ACKR2: variants seen among roughly 807,000 people sequenced by gnomAD.
ACKR2 encodes C-C chemokine receptor D6.
For missense variants in ACKR2, 457 were observed against 477.3 expected (o/e 0.96, Z 0.40); for synonymous variants, 207 against 192.2 (o/e 1.08, Z -0.64).
chr3:42,834,959 C>T (rs1436859570), intron 2 of ACKR2, among the ~76,000 whole-genome samples: 3 of 152,118 alleles, frequency 2.0e-5, no homozygotes, highest in East Asian at 3.9e-4. Context: ...GATCTCGGCT[C>T]ACTGCAGCCT....
chr3:42,824,079 A>C (rs2125605811), intron 2 of ACKR2, among the ~76,000 whole-genome samples: 2 of 152,338 alleles, frequency 1.3e-5, no homozygotes, highest in Middle Eastern at 3.4e-3. Flanking sequence ...AAATGTGTTT[A>C]AACTTGGGTC....
chr3:42,817,366 C>T (rs1296358534), intron 1 of ACKR2, among the ~76,000 whole-genome samples: 2 of 152,160 alleles, frequency 1.3e-5, no homozygotes, highest in Admixed American at 6.5e-5. Flanking sequence ...CTGATATCCC[C>T]ACTAACCGTT....
intron 2 of ACKR2, among the ~76,000 whole-genome samples, chr3:42,823,779 C>T (rs1700834508): frequency 6.6e-6 from 1 of 152,188 alleles, no homozygotes; most frequent in Non-Finnish European, 1.5e-5. Flanking sequence ...TTGTGCTCTG[C>T]TTTTCTCCCT....
At chr3:42,826,381 C>T (rs1700865134) in intron 2 of ACKR2, among the ~76,000 whole-genome samples, 1 of 152,022 alleles carries the variant, frequency 6.6e-6, no homozygotes, top group Non-Finnish European at 1.5e-5. Context: ...TCATCTGGTT[C>T]TGGGCTTTTC....
Position 42,865,100 on chromosome 3 carries a change from G to C in ACKR2, c.598G>C (p.Gly200Arg), listed in dbSNP as rs140255308. ...TGTGTGGAACTGCCACGCAGATTTC[G>C]GCGGGCATGGGACCATTTGGAAGCT... is the stretch of plus-strand genomic sequence containing the variant. ...KGVWNCHADF[G>R]GHGTIWKLFL... The change falls in exon 3 of 3, where the codon GGC (glycine) becomes CGC (arginine). Residue 200 changes from glycine to arginine, a missense_variant. Physicochemically the swap from Gly to Arg is moderately radical, Grantham distance 125. Coordinates refer to ENST00000422265, the MANE Select transcript of ACKR2 (RefSeq NM_001296.5). 5 of 1,613,858 alleles carry C rather than the reference G, an allele frequency of 3.1e-6. No homozygotes were observed. The highest frequency in any genetic ancestry group is 4.2e-6 in the Non-Finnish European group (5 of 1,179,998).
chr3:42,856,762 A>AGT (rs1481493282), intron 2 of ACKR2, among the ~76,000 whole-genome samples: 1 of 151,542 alleles, frequency 6.6e-6, no homozygotes, highest in Non-Finnish European at 1.5e-5. Context: ...GCCTCTCTTC[A>AGT]GTGGCTCTTC....
chr3:42,823,317 G>T (rs1330841951), intron 2 of ACKR2, among the ~76,000 whole-genome samples: 1 of 152,114 alleles, frequency 6.6e-6, no homozygotes, highest in Admixed American at 6.5e-5. Flanking sequence ...ACTGAACTTG[G>T]TCAGGAGTCA....
intron 1 of ACKR2, among the ~76,000 whole-genome samples, chr3:42,813,807 G>C (rs1700719387): frequency 6.6e-6 from 1 of 152,178 alleles, no homozygotes; most frequent in African/African-American, 2.4e-5. Flanking sequence ...TATTTATTAG[G>C]AAGTTGTATT....
chr3:42,856,190 A>C (rs1400314694), intron 2 of ACKR2: 9 of 534,814 alleles, frequency 1.7e-5, no homozygotes, highest in Non-Finnish European at 2.6e-5. Flanking sequence ...TAAAGTTCCT[A>C]AGGTTGATCA....
chr3:42,811,925 C>T (rs1277677981), intron 1 of ACKR2, among the ~76,000 whole-genome samples: 3 of 152,204 alleles, frequency 2.0e-5, no homozygotes, highest in Non-Finnish European at 2.9e-5. Flanking sequence ...CCTTTGCTCA[C>T]ATGTTTTCCT....
At chr3:42,833,356 A>AT (rs1700951663) in intron 2 of ACKR2, among the ~76,000 whole-genome samples, 1 of 152,150 alleles carries the variant, frequency 6.6e-6, no homozygotes, top group South Asian at 2.1e-4. Flanking sequence ...GTTTATTTTT[A>AT]TTTTTTATTT....
intron 1 of ACKR2, among the ~76,000 whole-genome samples, chr3:42,810,852 C>G (rs1035513042): frequency 6.6e-6 from 1 of 152,216 alleles, no homozygotes; most frequent in Admixed American, 6.5e-5. Context: ...ATTCCTAACA[C>G]CGACTTCATT....
chr3:42,814,537 C>A (rs1700730268), intron 1 of ACKR2, among the ~76,000 whole-genome samples: 1 of 152,190 alleles, frequency 6.6e-6, no homozygotes, highest in Non-Finnish European at 1.5e-5. Context: ...GCTACATTAC[C>A]TTGTTCTTGA....
At chr3:42,849,134 A>G (rs752895904) in intron 2 of ACKR2, among the ~76,000 whole-genome samples, 2 of 151,750 alleles carry the variant, frequency 1.3e-5, no homozygotes, top group African/African-American at 2.4e-5. Context: ...AGATTACTCA[A>G]TAGTATCATG....
chr3:42,825,859 T>TTG, intron 2 of ACKR2, among the ~76,000 whole-genome samples: 1 of 104,408 alleles, frequency 9.6e-6, no homozygotes, highest in Non-Finnish European at 2.3e-5. Flanking sequence ...GGGTTTTTTT[T>TTG]TTTTTGTTTT....
chr3:42,812,900 G>T (rs1700710487), intron 1 of ACKR2, among the ~76,000 whole-genome samples: 1 of 151,680 alleles, frequency 6.6e-6, no homozygotes, highest in East Asian at 1.9e-4. Flanking sequence ...TTTTGGCCAA[G>T]CTGGTCTCAA....
Position 42,865,025 on chromosome 3 carries a change from G to T in ACKR2, c.523G>T (p.Val175Phe), listed in dbSNP as rs748142680. The T allele has an allele frequency of 2.5e-6, 4 of 1,614,130 alleles. No individual in the cohort carries two copies. The highest frequency in any genetic ancestry group is 2.2e-5 in the East Asian group (1 of 44,876). ...CATAGTATGGGCTGTGTCCCTGGCCGTCTCCATCCCTGATATGGTCTTTGT... is the reference window on the plus strand; with the variant it reads ...CATAGTATGGGCTGTGTCCCTGGCCTTCTCCATCCCTGATATGGTCTTTGT... ...ATIVWAVSLAVSIPDMVFVQT... is the reference protein window; with the variant it reads ...ATIVWAVSLAFSIPDMVFVQT... Residue 175 changes from valine (V) to phenylalanine (F), a missense_variant, in exon 3 of 3, where the codon GTC becomes TTC. By Grantham distance (50) the Val-to-Phe change is conservative (BLOSUM62 -1). Coordinates refer to ENST00000422265, the MANE Select transcript of ACKR2 (RefSeq NM_001296.5).
At chr3:42,824,528 C>G (rs1056713542) in intron 2 of ACKR2, among the ~76,000 whole-genome samples, 1 of 152,146 alleles carries the variant, frequency 6.6e-6, no homozygotes, top group Admixed American at 6.6e-5. Flanking sequence ...CTTCCCCCTG[C>G]CCCATGAATC....
At chr3:42,848,675 G>A (rs1701122783) in intron 2 of ACKR2, among the ~76,000 whole-genome samples, 2 of 152,318 alleles carry the variant, frequency 1.3e-5, no homozygotes, top group South Asian at 4.1e-4. Flanking sequence ...AAAGCATGAT[G>A]AGAAATAGGA....
Sources: allele counts gnomAD v4.1 joint callset (sites outside exome capture counted in the v4.1 genomes callset), GRCh38; gene constraint gnomAD v4.1.1; transcripts MANE v1.5; gene names NCBI Gene and HGNC (gene_info 2026-07-23, HGNC 2026-07-21).